REV3L: variants seen among roughly 807,000 people sequenced by gnomAD.
The protein encoded by REV3L is DNA polymerase zeta catalytic subunit.
REV3L carries 69 observed loss-of-function variants against 299.4 expected under a neutral mutation model. The ratio of observed to expected loss-of-function variants is 0.23; its 90% CI spans 0.19 to 0.28. REV3L has a LOEUF of 0.28. Among genes scored for constraint, REV3L ranks in the 10% least tolerant of loss-of-function variants. The pLI is 1.00. For synonymous variants in REV3L, 1,238 were observed against 1,271.4 expected (o/e 0.97, Z 0.56); for missense variants, 3,128 against 3,693.8 (o/e 0.85, Z 3.97).
At chr6:111,305,785 T>C (rs1772218702) in intron 31 of REV3L, among the ~76,000 whole-genome samples, 1 of 152,076 alleles carries the variant, frequency 6.6e-6, no homozygotes, top group South Asian at 2.1e-4. Context: ...GGTCCTGCTC[T>C]CATTTAGGCG....
At chr6:111,352,055 G>A (rs1777625132) in intron 18 of REV3L, among the ~76,000 whole-genome samples, 1 of 151,250 alleles carries the variant, frequency 6.6e-6, no homozygotes, top group Non-Finnish European at 1.5e-5. Flanking sequence ...TGTCCAGGCT[G>A]GATTGCAGTG....
intron 2 of REV3L, among the ~76,000 whole-genome samples, chr6:111,415,758 A>G (rs1784691332): frequency 6.6e-6 from 1 of 151,858 alleles, no homozygotes; most frequent in African/African-American, 2.4e-5. Flanking sequence ...ACATTCCCTG[A>G]TTACTCTAAA....
At chr6:111,455,490 G>A (rs1032153127) in intron 1 of REV3L, among the ~76,000 whole-genome samples, 2 of 152,120 alleles carry the variant, frequency 1.3e-5, no homozygotes, top group Non-Finnish European at 2.9e-5. Context: ...AAAACTTTAT[G>A]TTGTCTAGAG....
intron 1 of REV3L, among the ~76,000 whole-genome samples, chr6:111,473,502 TTA>T (rs1004823811): frequency 3.3e-5 from 5 of 151,974 alleles, no homozygotes; most frequent in Non-Finnish European, 7.4e-5. Flanking sequence ...CAATTTTTAT[TTA>T]TGTTTGCCCT....
chr6:111,341,207 C>T (rs745835653), intron 21 of REV3L, among the ~76,000 whole-genome samples: 19 of 151,960 alleles, frequency 1.3e-4, no homozygotes, highest in Admixed American at 5.2e-4. Context: ...CCACCATGCC[C>T]GGCTAATTTT....
chr6:111,376,845 C>T (rs1015289307), intron 12 of REV3L, 88 bp from the exon 13 acceptor site: 66 of 1,081,752 alleles, frequency 6.1e-5, no homozygotes, highest in Non-Finnish European at 7.6e-5. Context: ...AATGCTATCA[C>T]TATGAAAAAA....
intron 9 of REV3L, among the ~76,000 whole-genome samples, chr6:111,385,705 T>A (rs1781278282): frequency 6.6e-6 from 1 of 151,770 alleles, no homozygotes. Context: ...AGAGAAAACA[T>A]CTCTACAATA....
At chr6:111,434,943 C>T (rs1265239623) in intron 1 of REV3L, among the ~76,000 whole-genome samples, 1 of 151,728 alleles carries the variant, frequency 6.6e-6, no homozygotes, top group South Asian at 2.1e-4. Flanking sequence ...TGGTAACTCA[C>T]GCCTGTATCC....
chr6:111,312,761 T>C (rs535491143), intron 28 of REV3L: 1 of 152,440 alleles, frequency 6.6e-6, no homozygotes, highest in African/African-American at 2.4e-5. Context: ...TTTCACTACG[T>C]TGGCCAGGCT....
At chr6:111,449,714 C>A (rs1383373438) in intron 1 of REV3L, among the ~76,000 whole-genome samples, 1 of 152,084 alleles carries the variant, frequency 6.6e-6, no homozygotes, top group Non-Finnish European at 1.5e-5. Context: ...TACACTATCT[C>A]CAAATAACTT....
In REV3L at chr6:111,299,433, G is replaced by C. The variant is rs533814037; in HGVS notation, c.*583C>G. On this transcript the variant is annotated 3_prime_UTR_variant, in exon 32 of 32. Coordinates refer to ENST00000368802, the MANE Select transcript of REV3L (RefSeq NM_001372078.1). ...AAAATAATGTTTCAAAATGCTACAC[G>C]TGGTACTACTGTTTGCACAGTTTGA... 1 of 152,508 alleles carries C rather than the reference G, an allele frequency of 6.6e-6. No homozygotes were observed. Among genetic ancestry groups the C allele is most frequent in the Non-Finnish European group, 1.5e-5 (1 of 68,038 alleles). 9.4% of individuals were successfully genotyped at this position (152,508 alleles called of 1,614,324 possible).
chr6:111,470,574 CT>C (rs1463212328), intron 1 of REV3L, among the ~76,000 whole-genome samples: 1 of 152,176 alleles, frequency 6.6e-6, no homozygotes, highest in South Asian at 2.1e-4. Context: ...AAATTAAGGT[CT>C]TTTAACTATA....
intron 2 of REV3L, among the ~76,000 whole-genome samples, chr6:111,414,896 C>CT (rs745697083): frequency 2.0e-5 from 3 of 152,110 alleles, no homozygotes; most frequent in Admixed American, 6.5e-5. Context: ...ACACTATTTT[C>CT]TTTTTTGTTT....
intron 31 of REV3L, among the ~76,000 whole-genome samples, chr6:111,305,871 T>C (rs187807007): frequency 2.6e-5 from 4 of 152,228 alleles, no homozygotes; most frequent in Non-Finnish European, 4.4e-5. Flanking sequence ...ATTAAATAAA[T>C]AGAAGCTGGG....
At chr6:111,442,149 A>T (rs899943186) in intron 1 of REV3L, among the ~76,000 whole-genome samples, 3 of 152,212 alleles carry the variant, frequency 2.0e-5, no homozygotes, top group Admixed American at 6.5e-5. Context: ...GTAGGGTTCT[A>T]AAAATGTCAA....
chr6:111,414,852 T>C (rs1386478782), intron 2 of REV3L, among the ~76,000 whole-genome samples: 2 of 152,180 alleles, frequency 1.3e-5, no homozygotes, highest in Non-Finnish European at 2.9e-5. Flanking sequence ...CAGAAGCTGA[T>C]GATTACTTCC....
At chr6:111,454,643 TG>T (rs542658567) in intron 1 of REV3L, among the ~76,000 whole-genome samples, 166 of 152,208 alleles carry the variant, frequency 1.1e-3, no homozygotes, top group Non-Finnish European at 1.7e-3. Flanking sequence ...AGTGGAATCA[TG>T]TATTTGTCCT....
In REV3L at chr6:111,322,646, C is replaced by A; in HGVS notation, c.8274G>T (p.Glu2758Asp). The A allele has an allele frequency of 6.2e-7, 1 of 1,614,104 alleles. No homozygotes were observed. The highest frequency in any genetic ancestry group is 8.5e-7 in the Non-Finnish European group (1 of 1,179,980). ...CCAGTTTAATAGCTCGTTCCAAGGT[C>A]TCTCTGGCTTTGTGAACAATACTAT... The part of the protein sequence containing the change: ...VGDSIVHKAR[E>D]TLERAIKLVN... Residue 2758 changes from glutamate to aspartate, a missense_variant, in exon 26 of 32, where the codon GAG becomes GAT. Physicochemically the swap from Glu to Asp is conservative, Grantham distance 45. Coordinates refer to ENST00000368802, the MANE Select transcript of REV3L (RefSeq NM_001372078.1).
intron 22 of REV3L, 93 bp from the exon 23 acceptor site, chr6:111,333,460 A>C (rs962981739): frequency 1.4e-6 from 2 of 1,469,890 alleles, no homozygotes; most frequent in African/African-American, 2.9e-5. Context: ...TCTGCTTTTC[A>C]GAATAAGATT....
Sources: allele counts gnomAD v4.1 joint callset (sites outside exome capture counted in the v4.1 genomes callset), GRCh38; gene constraint gnomAD v4.1.1; transcripts MANE v1.5; gene names NCBI Gene and HGNC (gene_info 2026-07-23, HGNC 2026-07-21).